SHCBP1L: variants seen among roughly 807,000 people sequenced by gnomAD.
The protein encoded by SHCBP1L is SHC binding and spindle associated 1 like, also known as testicular spindle-associated protein SHCBP1L.
SHCBP1L carries 67 observed loss-of-function variants against 62.5 expected under a neutral mutation model. The observed-to-expected ratio is 1.07, with a 90% confidence interval of 0.88 to 1.31. The LOEUF (loss-of-function observed/expected upper bound fraction) is 1.31, where lower values mean the gene tolerates loss of function less well. Ranked by LOEUF, SHCBP1L falls within the 40% of genes most tolerant of loss-of-function variation. The probability of loss-of-function intolerance (pLI) is 0.00; values close to 1 mark genes in which losing one functional copy is unlikely to be tolerated. For synonymous variants in SHCBP1L, 284 were observed against 289.4 expected (o/e 0.98, Z 0.19); for missense variants, 823 against 809.8 (o/e 1.02, Z -0.20).
chr1:182,904,065 T>G, intron 8 of SHCBP1L, 115 bp downstream of exon 8: 8 of 1,289,456 alleles, frequency 6.2e-6, no homozygotes, highest in Non-Finnish European at 7.4e-6. Context: ...TTACTAAGTT[T>G]AATTAGAATT....
chr1:182,930,732 T>G (rs1386806553), intron 5 of SHCBP1L, among the ~76,000 whole-genome samples: 4 of 102,840 alleles, frequency 3.9e-5, no homozygotes, highest in Non-Finnish European at 6.1e-5. Flanking sequence ...TATGTATTTT[T>G]TTTTTTTTTT....
rs777855962 is a variant in SHCBP1L at position 182,953,041 on chromosome 1, G to A, written c.93C>T (p.Ser31=). The A allele has an allele frequency of 1.9e-6, 3 of 1,544,670 alleles. No homozygotes were observed. The African/African-American group carries it at 4.1e-5, about 21-fold the overall frequency. Residue 31 remains serine, a synonymous_variant, in exon 1 of 10, where the codon TCC becomes TCT. Transcript: ENST00000367547. ...GGGTGGTCGCGGCCGCCGTGTCCCC[G>A]GAGACAGCGGAGGCGGACTTCTCGC... is the stretch of plus-strand genomic sequence containing the variant. ...RRGEKSASAV[S]GDTAAATTLK...
At chr1:182,904,557 G>C in intron 7 of SHCBP1L, 127 bp from the exon 8 acceptor site, 1 of 886,982 alleles carries the variant, frequency 1.1e-6, no homozygotes, top group Middle Eastern at 3.3e-4. Context: ...GTGTGTGTGT[G>C]TGTGTGTGTG....
intron 3 of SHCBP1L, 32 bp downstream of exon 3, chr1:182,940,297 A>C (rs1319338201): frequency 1.3e-6 from 2 of 1,559,738 alleles, no homozygotes; most frequent in African/African-American, 1.4e-5. Context: ...GGATATAATA[A>C]ATTTAATTTT....
At chr1:182,910,872 T>C (rs1650159998) in intron 6 of SHCBP1L, among the ~76,000 whole-genome samples, 1 of 152,036 alleles carries the variant, frequency 6.6e-6, no homozygotes, top group Non-Finnish European at 1.5e-5. Flanking sequence ...TTTTTCTAGT[T>C]ATTTATCTAT....
chr1:182,920,092 T>A (rs1258616262), intron 6 of SHCBP1L, among the ~76,000 whole-genome samples: 5 of 152,202 alleles, frequency 3.3e-5, no homozygotes, highest in Non-Finnish European at 5.9e-5. Context: ...GCTGCACCGC[T>A]GCCACTGTTG....
chr1:182,952,848 C>T lies in SHCBP1L; in HGVS notation c.286G>A (p.Val96Met). Residue 96 changes from valine to methionine, a missense_variant, in exon 1 of 10, where the codon GTG (valine) becomes ATG (methionine). Coordinates refer to ENST00000367547, the MANE Select transcript of SHCBP1L (RefSeq NM_030933.4). Reference protein sequence around the residue: ...AAAAEEPLLPVPEDEEEAQPL... With the variant: ...AAAAEEPLLPMPEDEEEAQPL... The stretch of plus-strand genomic sequence containing the variant: ...TGCGCCTCCTCTTCATCCTCAGGCA[C>T]TGGCAGCAGGGGCTCCTCCGCCGCC... 2 of 1,610,734 alleles carry T rather than the reference C, an allele frequency of 1.2e-6. No individual in the cohort carries two copies. The highest frequency in any genetic ancestry group is 1.7e-4 in the Middle Eastern group (1 of 6,048).
In SHCBP1L at chr1:182,904,166, A is replaced by G. The variant is rs754117380; in HGVS notation, c.1587+14T>C. ...ATAGTCATATAAGGCCATACTTTTTAAAGAATGAAATACCTGGGCGCCAGT... is the reference window on the plus strand; with the variant it reads ...ATAGTCATATAAGGCCATACTTTTTGAAGAATGAAATACCTGGGCGCCAGT... On this transcript the variant is annotated intron_variant, in intron 8 of 9. Transcript: ENST00000367547. The G allele has an allele frequency of 6.2e-7, 1 of 1,612,580 alleles. No homozygotes were observed. The highest frequency in any genetic ancestry group is 8.5e-7 in the Non-Finnish European group (1 of 1,179,358).
chr1:182,915,720 T>C (rs1650335575), intron 6 of SHCBP1L, among the ~76,000 whole-genome samples: 1 of 151,954 alleles, frequency 6.6e-6, no homozygotes, highest in African/African-American at 2.4e-5. Context: ...ATACATCTTC[T>C]CTGACTACAA....
At chr1:182,952,653 G>C (rs1651817068) in intron 1 of SHCBP1L, 76 bp downstream of exon 1, 1 of 1,490,486 alleles carries the variant, frequency 6.7e-7, no homozygotes. Context: ...ATCCGCCTAA[G>C]AGGGAAGCCC....
At position 182,910,307 on chromosome 1, in the gene SHCBP1L, A is replaced by G. The variant is rs77848419; in HGVS notation, c.1183-4658T>C. On this transcript the variant is annotated intron_variant, in intron 6 of 9. Coordinates refer to ENST00000367547, the MANE Select transcript of SHCBP1L (RefSeq NM_030933.4). Reference sequence around the variant, plus strand: ...TTGCTTACCCACCTACCATCCCCCAATCCCCTGCTCTGCAGCAGCAATGGA... The same window carrying G: ...TTGCTTACCCACCTACCATCCCCCAGTCCCCTGCTCTGCAGCAGCAATGGA... 2.0e-3 allele frequency among the ~76,000 whole-genome samples: 299 copies of G among 152,210 alleles called. 4 individuals are homozygous for G. The East Asian group carries it at 0.035, about 18-fold the overall frequency.
At chr1:182,927,714 T>C (rs1245037144) in intron 6 of SHCBP1L, among the ~76,000 whole-genome samples, 1 of 149,846 alleles carries the variant, frequency 6.7e-6, no homozygotes, top group Non-Finnish European at 1.5e-5. Flanking sequence ...GCTATACTAC[T>C]ATCAAGCTAT....
chr1:182,951,502 T>C (rs1177695109), intron 1 of SHCBP1L, 35 bp from the exon 2 acceptor site: 1 of 1,410,814 alleles, frequency 7.1e-7, no homozygotes, highest in Non-Finnish European at 9.5e-7. Flanking sequence ...CATATAAATA[T>C]ATGAAATTAT....
At chr1:182,920,425 C>T (rs1484712953) in intron 6 of SHCBP1L, among the ~76,000 whole-genome samples, 2 of 152,130 alleles carry the variant, frequency 1.3e-5, no homozygotes, top group African/African-American at 4.8e-5. Context: ...AAAAAAACCC[C>T]ATCCAAAGGA....
chr1:182,931,576 T>G (rs968825080), intron 5 of SHCBP1L, among the ~76,000 whole-genome samples: 1 of 152,202 alleles, frequency 6.6e-6, no homozygotes, highest in Non-Finnish European at 1.5e-5. Flanking sequence ...CATTACGTAT[T>G]TCCCTTCCTT....
At chr1:182,943,582 G>T (rs1035802794) in intron 2 of SHCBP1L, among the ~76,000 whole-genome samples, 2 of 151,518 alleles carry the variant, frequency 1.3e-5, no homozygotes, top group Non-Finnish European at 2.9e-5. Context: ...AAGTAGCTGG[G>T]ATTACAGGCA....
chr1:182,926,493 T>A (rs539845759), intron 6 of SHCBP1L, among the ~76,000 whole-genome samples: 1 of 152,346 alleles, frequency 6.6e-6, no homozygotes, highest in African/African-American at 2.4e-5. Context: ...TATAAATTAT[T>A]TCACTTAAGC....
In SHCBP1L at chr1:182,899,950, G is replaced by A. The variant is rs181245893; in HGVS notation, c.*33C>T. 1.6e-3 allele frequency: 2,408 copies of A among 1,525,584 alleles called. 4 individuals are homozygous for A. The highest frequency in any genetic ancestry group is 2.0e-3 in the Non-Finnish European group (2,291 of 1,137,514). 94.5% of individuals were successfully genotyped at this position (1,525,584 alleles called of 1,614,324 possible). A position where few individuals can be genotyped will look rare whatever the true frequency, so the allele number is the denominator to read the frequency against. ...AGAATCATGTATTAAACAAATTTGTGAAATATAAAACTTTAACATCAATTC... is the reference window on the plus strand; with the variant it reads ...AGAATCATGTATTAAACAAATTTGTAAAATATAAAACTTTAACATCAATTC... On this transcript the variant is annotated 3_prime_UTR_variant, in exon 10 of 10. Coordinates refer to ENST00000367547, the MANE Select transcript of SHCBP1L (RefSeq NM_030933.4).
chr1:182,946,216 C>T (rs1651560539), intron 2 of SHCBP1L, among the ~76,000 whole-genome samples: 1 of 152,054 alleles, frequency 6.6e-6, no homozygotes. Flanking sequence ...ACTAAGTGGG[C>T]CCTTTCAGTC....
Sources: gnomAD v4.1 joint callset for allele counts (sites outside exome capture counted in the v4.1 genomes callset) on GRCh38, gnomAD v4.1.1 for gene constraint, MANE v1.5 for transcripts, NCBI Gene and HGNC (gene_info 2026-07-23, HGNC 2026-07-21) for gene names.